DSG2: variants seen among roughly 807,000 people sequenced by gnomAD.
DSG2 encodes the protein desmoglein 2.
DSG2 carries 45 observed loss-of-function variants against 75.6 expected under a neutral mutation model. That is an observed-to-expected ratio of 0.60 (90% confidence interval 0.47 to 0.76). The LOEUF (loss-of-function observed/expected upper bound fraction) is 0.76. DSG2 is among the 30% of genes least tolerant of loss of function. The probability of loss-of-function intolerance (pLI) is 0.00; values close to 1 mark genes in which losing one functional copy is unlikely to be tolerated. For synonymous variants in DSG2, 429 were observed against 483.9 expected (o/e 0.89, Z 1.49); for missense variants, 1,267 against 1,357.4 (o/e 0.93, Z 1.05).
intron 8 of DSG2, among the ~76,000 whole-genome samples, chr18:31,527,691 A>C (rs1340028288): frequency 6.6e-6 from 1 of 152,222 alleles, no homozygotes; most frequent in Non-Finnish European, 1.5e-5. Flanking sequence ...AAGAGATACC[A>C]CTTTACCTTC....
At chr18:31,543,650 G>A (rs1363154392) in intron 14 of DSG2, among the ~76,000 whole-genome samples, 1 of 152,154 alleles carries the variant, frequency 6.6e-6, no homozygotes. Flanking sequence ...CAGATCACTT[G>A]AGCCCAGAAG....
intron 6 of DSG2, among the ~76,000 whole-genome samples, chr18:31,524,092 C>T (rs2704039): frequency 0.19 from 29,194 of 152,162 alleles, 4,160 homozygotes; most frequent in African/African-American, 0.4. Flanking sequence ...GGACCAGCTT[C>T]TCCTCACTGA....
chr18:31,543,485 G>C (rs1017048789), intron 14 of DSG2: 1 of 152,240 alleles, frequency 6.6e-6, no homozygotes, highest in African/African-American at 2.4e-5. Context: ...ACCAAAAAAT[G>C]ATGAGAAAAG....
chr18:31,508,191 C>T (rs1008479291), intron 1 of DSG2, among the ~76,000 whole-genome samples: 3 of 152,014 alleles, frequency 2.0e-5, no homozygotes, highest in Non-Finnish European at 4.4e-5. Context: ...TTTTGAGTGA[C>T]AAATGCTTAG....
intron 1 of DSG2, among the ~76,000 whole-genome samples, chr18:31,507,636 G>T (rs939943523): frequency 1.3e-5 from 2 of 152,136 alleles, no homozygotes; most frequent in Non-Finnish European, 2.9e-5. Flanking sequence ...GGTGTGAGAT[G>T]GTATCTCATT....
intron 6 of DSG2, 22 bp from the exon 7 acceptor site, chr18:31,524,426 G>A (rs2073148217): frequency 6.2e-7 from 1 of 1,613,924 alleles, no homozygotes; most frequent in African/African-American, 1.3e-5. Flanking sequence ...CACCCAGCTG[G>A]ACATTTTTCA....
At chr18:31,522,520 AAAATATGACCTT>A (rs1253406230) in intron 6 of DSG2, 26 of 278,646 alleles carry the variant, frequency 9.3e-5, no homozygotes, top group Non-Finnish European at 1.6e-4. Context: ...TGAAAAATGC[AAAATATGACCTT>A]AATGTTTTTT....
chr18:31,542,732 T>A lies in DSG2; in HGVS notation c.2214T>A (p.Ala738=). 1 of 1,614,150 alleles carries A rather than the reference T, an allele frequency of 6.2e-7. No individual in the cohort carries two copies. Residue 738 remains alanine (A), a synonymous_variant, in exon 14 of 15, where the codon GCT becomes GCA. Coordinates refer to ENST00000261590, the MANE Select transcript of DSG2 (RefSeq NM_001943.5). ...CCCAGTTTACAGGGGCCACAGGCGC[T>A]ATCATGACCACTGAAACCACGAAGA... ...RATQFTGATG[A]IMTTETTKTA...
chr18:31,542,583 G>A lies in DSG2; in HGVS notation c.2065G>A (p.Gly689Ser). The A allele has an allele frequency of 6.2e-7, 1 of 1,614,106 alleles. No homozygotes were observed. The highest frequency in any genetic ancestry group is 8.5e-7 in the Non-Finnish European group (1 of 1,180,022). ...GSLVGRNGVG[G>S]MAKEATMKGS... is the part of the protein sequence containing the mutation. ...TCTAGTAGGAAGAAATGGAGTAGGAGGTATGGCCAAGGAAGCCACGATGAA... is the reference window on the plus strand; with the variant it reads ...TCTAGTAGGAAGAAATGGAGTAGGAAGTATGGCCAAGGAAGCCACGATGAA... The change falls in exon 14 of 15, where the codon GGT becomes AGT. Residue 689 changes from glycine to serine, a missense_variant. Gly to Ser is a moderately conservative substitution (Grantham distance 56). Transcript: ENST00000261590.
At chr18:31,498,751 G>A (rs1263877530) in intron 1 of DSG2, among the ~76,000 whole-genome samples, 1 of 152,178 alleles carries the variant, frequency 6.6e-6, no homozygotes, top group Non-Finnish European at 1.5e-5. Context: ...ACACAAGCCA[G>A]TGAACTGGGG....
At chr18:31,542,340 G>C in intron 13 of DSG2, 180 bp from the exon 14 acceptor site, 1 of 673,712 alleles carries the variant, frequency 1.5e-6, no homozygotes, top group Non-Finnish European at 2.6e-6. Flanking sequence ...CAAGAAGAGA[G>C]AAGAAAGGAG....
intron 8 of DSG2, among the ~76,000 whole-genome samples, chr18:31,528,871 G>T (rs1168393787): frequency 6.6e-6 from 1 of 152,042 alleles, no homozygotes; most frequent in Non-Finnish European, 1.5e-5. Context: ...GTCTGAGTGG[G>T]GACTGACTAC....
rs574935583 is a variant in DSG2, at chr18:31,531,694, G to A, written c.1280+442G>A. On this transcript the variant is annotated intron_variant, in intron 9 of 14. Transcript: ENST00000261590. ...GCTTTACTTAACGCATATATCTTGG[G>A]AATGAATCTTCATTTAAACCTATTT... Among the ~76,000 whole-genome samples the A allele has an allele frequency of 6.3e-4, 96 of 152,282 alleles. 2 individuals carry two copies. The South Asian group carries it at 0.019, about 30-fold the overall frequency.
rs121913013 is a variant in DSG2, at chr18:31,519,887, G to T, written c.166G>T (p.Val56Leu). Residue 56 changes from valine (V) to leucine (L), a missense_variant, in exon 3 of 15, where the codon GTG becomes TTG. Coordinates refer to ENST00000261590, the MANE Select transcript of DSG2 (RefSeq NM_001943.5). ...AAAGCGCGCCTGGATCACCGCCCCC[G>T]TGGCTCTTCGGGAGGGAGAGGATCT... Reference protein sequence around the residue: ...RQKRAWITAPVALREGEDLSK... With the variant: ...RQKRAWITAPLALREGEDLSK... The T allele has an allele frequency of 6.2e-7, 1 of 1,614,010 alleles. No homozygotes were observed. The highest frequency in any genetic ancestry group is 1.3e-5 in the African/African-American group (1 of 74,906).
chr18:31,530,417 A>ATG (rs543389531), intron 8 of DSG2, among the ~76,000 whole-genome samples: 2 of 152,096 alleles, frequency 1.3e-5, no homozygotes, highest in Admixed American at 6.5e-5. Flanking sequence ...ATCTATAGAT[A>ATG]TGTGTGTGTG....
At chr18:31,503,608 G>A (rs2073024913) in intron 1 of DSG2, among the ~76,000 whole-genome samples, 1 of 152,206 alleles carries the variant, frequency 6.6e-6, no homozygotes, top group African/African-American at 2.4e-5. Flanking sequence ...GGCTTTGGGT[G>A]AGATGGTCAG....
intron 13 of DSG2, chr18:31,542,225 G>T (rs779566124): frequency 1.3e-5 from 6 of 457,772 alleles, no homozygotes; most frequent in South Asian, 1.1e-4. Context: ...ATAGAAGAAG[G>T]TATCAAACTG....
intron 12 of DSG2, 104 bp from the exon 13 acceptor site, chr18:31,541,089 A>C (rs2073263770): frequency 7.0e-7 from 1 of 1,435,800 alleles, no homozygotes. Flanking sequence ...TAAATAAGTG[A>C]AGACAAGTCC....
At chr18:31,519,557 C>T (rs2073114614) in intron 2 of DSG2, among the ~76,000 whole-genome samples, 1 of 152,142 alleles carries the variant, frequency 6.6e-6, no homozygotes, top group Admixed American at 6.5e-5. Context: ...AAGCAAGACC[C>T]TGTCTCAAAA....
Sources: gnomAD v4.1 joint callset for allele counts (sites outside exome capture counted in the v4.1 genomes callset) on GRCh38, gnomAD v4.1.1 for gene constraint, MANE v1.5 for transcripts, NCBI Gene and HGNC (gene_info 2026-07-23, HGNC 2026-07-21) for gene names.